The following PDE4B variants were observed in gnomAD, a reference collection of about 807,000 sequenced individuals.
The protein encoded by PDE4B is 3',5'-cyclic-AMP phosphodiesterase 4B.
A neutral mutation model predicts 82.2 loss-of-function variants in PDE4B; 20 were observed. That is an observed-to-expected ratio of 0.24 (90% CI 0.17 to 0.35). PDE4B has a LOEUF of 0.35. Among genes scored for constraint, PDE4B ranks in the 10% least tolerant of loss-of-function variants. The pLI is 1.00. For synonymous variants in PDE4B, 320 were observed against 318.9 expected, an observed-to-expected ratio of 1.00 and a Z score of -0.04; for missense variants, 655 against 907.2, an observed-to-expected ratio of 0.72 and a Z score of 3.57.
intron 3 of PDE4B, among the ~76,000 whole-genome samples, chr1:66,222,428 G>T (rs986815723): frequency 1.3e-5 from 2 of 152,198 alleles, no homozygotes; most frequent in Non-Finnish European, 2.9e-5. Context: ...TCTAACAAAA[G>T]GGTTTGGTAA....
chr1:66,034,124 G>C (rs1416390193), intron 3 of PDE4B, among the ~76,000 whole-genome samples: 2 of 152,050 alleles, frequency 1.3e-5, no homozygotes, highest in Non-Finnish European at 2.9e-5. Flanking sequence ...CAAAGTCTGT[G>C]TATTTCTTTC....
chr1:66,167,004 T>C (rs1646746879), intron 3 of PDE4B, among the ~76,000 whole-genome samples: 1 of 152,118 alleles, frequency 6.6e-6, no homozygotes, highest in Non-Finnish European at 1.5e-5. Context: ...CAATGAGATA[T>C]TGCTTCACAC....
chr1:65,936,119 A>C (rs1648122380), intron 3 of PDE4B, among the ~76,000 whole-genome samples: 1 of 152,098 alleles, frequency 6.6e-6, no homozygotes, highest in African/African-American at 2.4e-5. Context: ...TTGCAGGATC[A>C]GGATCATCAA....
chr1:66,106,819 TC>T (rs1348759898), intron 3 of PDE4B, among the ~76,000 whole-genome samples: 1 of 111,518 alleles, frequency 9.0e-6, no homozygotes, highest in Non-Finnish European at 2.0e-5. Context: ...TCTATTTGAT[TC>T]TTCTCTCTTT....
chr1:66,163,233 G>C (rs1255725998), intron 3 of PDE4B, among the ~76,000 whole-genome samples: 1 of 152,154 alleles, frequency 6.6e-6, no homozygotes, highest in Non-Finnish European at 1.5e-5. Flanking sequence ...TTTACTGGTA[G>C]GTAGGATTGC....
At chr1:66,171,748 T>C (rs1447964786) in intron 3 of PDE4B, among the ~76,000 whole-genome samples, 1 of 152,112 alleles carries the variant, frequency 6.6e-6, no homozygotes, top group Non-Finnish European at 1.5e-5. Context: ...CCTTGAAATA[T>C]TGTGAAGATT....
chr1:66,147,744 G>C (rs1646304997), intron 3 of PDE4B, among the ~76,000 whole-genome samples: 1 of 152,166 alleles, frequency 6.6e-6, no homozygotes, highest in South Asian at 2.1e-4. Context: ...GCTCCACTTG[G>C]AGATGTTTTA....
At chr1:66,143,550 G>A (rs1183494236) in intron 3 of PDE4B, among the ~76,000 whole-genome samples, 2 of 152,156 alleles carry the variant, frequency 1.3e-5, no homozygotes, top group Non-Finnish European at 2.9e-5. Flanking sequence ...AGGGTGGGAG[G>A]TGATGCCATA....
intron 3 of PDE4B, among the ~76,000 whole-genome samples, chr1:65,948,493 G>C (rs896648682): frequency 7.9e-5 from 12 of 151,828 alleles, no homozygotes; most frequent in Non-Finnish European, 1.0e-4. Context: ...AGGCTGAGAG[G>C]CTAGACCAGT....
chr1:65,887,677 C>T (rs910825244), intron 1 of PDE4B, among the ~76,000 whole-genome samples: 4 of 151,814 alleles, frequency 2.6e-5, no homozygotes, highest in Non-Finnish European at 5.9e-5. Context: ...CTCGGCCTCC[C>T]AAAATGCTGG....
intron 7 of PDE4B, among the ~76,000 whole-genome samples, chr1:66,313,907 G>A (rs1307822572): frequency 6.6e-6 from 1 of 152,048 alleles, no homozygotes; most frequent in African/African-American, 2.4e-5. Context: ...TTGCAACCAC[G>A]TGGGAGTCAA....
chr1:65,884,356 G>A (rs551152782), intron 1 of PDE4B, among the ~76,000 whole-genome samples: 60 of 152,010 alleles, frequency 3.9e-4, no homozygotes, highest in Non-Finnish European at 7.6e-4. Flanking sequence ...GTCTATTCAG[G>A]GATTCAAGTT....
At chr1:66,106,167 CAA>C (rs1196669063) in intron 3 of PDE4B, among the ~76,000 whole-genome samples, 1 of 151,968 alleles carries the variant, frequency 6.6e-6, no homozygotes, top group African/African-American at 2.4e-5. Context: ...TGAATTTTGT[CAA>C]AGGCCTTTTC....
At chr1:65,999,578 C>T (rs1032025753) in intron 3 of PDE4B, among the ~76,000 whole-genome samples, 6 of 152,162 alleles carry the variant, frequency 3.9e-5, no homozygotes, top group African/African-American at 1.4e-4. Context: ...CTTTGCTGAC[C>T]TCCCTATCTA....
chr1:65,847,639 G>C lies in PDE4B; in HGVS notation c.-71+54391G>C, dbSNP rs183084170. ...TTCTGCAGTTCTCAGCAGCCTGTGA[G>C]TGGCACAACTGAAATCATTGTCCTT... On this transcript the variant is annotated intron_variant, in intron 1 of 16. Coordinates refer to ENST00000341517, the MANE Select transcript of PDE4B (RefSeq NM_002600.4). Among the ~76,000 whole-genome samples the C allele has an allele frequency of 1.7e-3, 256 of 152,320 alleles. 2 individuals are homozygous for C. The highest frequency in any genetic ancestry group is 6.0e-3 in the African/African-American group (248 of 41,576).
intron 8 of PDE4B, among the ~76,000 whole-genome samples, chr1:66,342,560 A>G (rs1300962151): frequency 2.7e-5 from 4 of 146,726 alleles, no homozygotes; most frequent in Non-Finnish European, 6.0e-5. Flanking sequence ...AAAAAAAAAA[A>G]AAAAGAAAAA....
chr1:66,277,243 G>A (rs1655945903), intron 7 of PDE4B, among the ~76,000 whole-genome samples: 2 of 152,264 alleles, frequency 1.3e-5, no homozygotes, highest in Non-Finnish European at 1.5e-5. Flanking sequence ...CACAGAGACT[G>A]AGAGATGCCA....
intron 3 of PDE4B, among the ~76,000 whole-genome samples, chr1:66,082,988 A>G (rs1656820093): frequency 6.6e-6 from 1 of 152,086 alleles, no homozygotes; most frequent in South Asian, 2.1e-4. Context: ...AGCCAATCAC[A>G]AAATCCTCTC....
intron 3 of PDE4B, among the ~76,000 whole-genome samples, chr1:66,056,210 A>C (rs953046845): frequency 1.3e-5 from 2 of 152,288 alleles, no homozygotes; most frequent in Admixed American, 1.3e-4. Flanking sequence ...TTTTAATTTC[A>C]ATTGTTATTT....
Sources: allele counts gnomAD v4.1 joint callset (sites outside exome capture counted in the v4.1 genomes callset), GRCh38; gene constraint gnomAD v4.1.1; transcripts MANE v1.5; gene names NCBI Gene and HGNC (gene_info 2026-07-23, HGNC 2026-07-21).